The following PREX1 variants were observed in gnomAD, a reference collection of about 807,000 sequenced individuals.
The protein encoded by PREX1 is phosphatidylinositol-3,4,5-trisphosphate dependent Rac exchange factor 1, also known as phosphatidylinositol 3,4,5-trisphosphate-dependent Rac exchanger 1 protein.
A neutral mutation model predicts 198.3 loss-of-function variants in PREX1; 41 were observed. The ratio of observed to expected loss-of-function variants is 0.21; its 90% CI spans 0.16 to 0.27. The LOEUF is 0.27. Ranked by LOEUF, PREX1 falls within the 10% of genes least tolerant of loss-of-function variation. The pLI is 1.00. For synonymous variants in PREX1, 843 were observed against 887.2 expected (o/e 0.95, Z 0.89); for missense variants, 1,620 against 2,200.7 (o/e 0.74, Z 5.28).
Position 48,659,899 on chromosome 20 carries a change from C to T in PREX1, c.1881+20G>A, listed in dbSNP as rs369072003. On this transcript the variant is annotated intron_variant, in intron 16 of 39. Coordinates refer to ENST00000371941, the MANE Select transcript of PREX1 (RefSeq NM_020820.4). ...GGGGGCTCTGGCAAGGAAGGGACAGCTGCTCAGCTGTGCTCCTACCAGCAG... is the reference window on the plus strand; with the variant it reads ...GGGGGCTCTGGCAAGGAAGGGACAGTTGCTCAGCTGTGCTCCTACCAGCAG... 8.1e-6 allele frequency: 13 copies of T among 1,613,726 alleles called. No homozygotes were observed. Among genetic ancestry groups the T allele is most frequent in the Non-Finnish European group, 1.1e-5 (13 of 1,180,008 alleles).
At chr20:48,803,724 C>A (rs184788875) in intron 1 of PREX1, among the ~76,000 whole-genome samples, 13 of 144,892 alleles carry the variant, frequency 9.0e-5, no homozygotes, top group Non-Finnish European at 1.5e-4. Context: ...GGCACCTCAC[C>A]CCATCTACAC....
intron 22 of PREX1, 124 bp from the exon 23 acceptor site, chr20:48,651,179 A>G (rs2089493484): frequency 1.5e-6 from 2 of 1,330,644 alleles, no homozygotes; most frequent in Non-Finnish European, 2.0e-6. Context: ...TTGCTGGCCC[A>G]TATTGCACGG....
chr20:48,865,869 T>C, the PREX1 span, among the ~76,000 whole-genome samples: 5 of 152,244 alleles, frequency 3.3e-5, no homozygotes, highest in African/African-American at 9.6e-5. Context: ...AATGGGCTAT[T>C]ACCTCTGGGC....
In PREX1 at chr20:48,780,092, T is replaced by C. The variant is rs111423392; in HGVS notation, c.220-32212A>G. Among the ~76,000 whole-genome samples, 132 of 152,306 alleles carry C rather than the reference T, an allele frequency of 8.7e-4. 3 individuals carry two copies. The South Asian group carries it at 0.011, about 13-fold the overall frequency. ...TGGGTTTTTCAAATATATGTGCAGATAGAAAGATACAGAAGTAAATATAGA... is the reference window on the plus strand; with the variant it reads ...TGGGTTTTTCAAATATATGTGCAGACAGAAAGATACAGAAGTAAATATAGA... On this transcript the variant is annotated intron_variant, in intron 1 of 39. Transcript: ENST00000371941.
Position 48,681,230 on chromosome 20 carries a change from C to A in PREX1, c.1435+5G>T, listed in dbSNP as rs1486180535. 6.2e-7 allele frequency: 1 copy of A among 1,613,634 alleles called. No homozygotes were observed. Among genetic ancestry groups the A allele is most frequent in the Admixed American group, 1.7e-5 (1 of 60,030 alleles). Reference sequence around the variant, plus strand: ...TGGCCCAGCTGGGCCCAGCCCTCCACTCACCATGGTGGATGATGCCATTCT... The same window carrying A: ...TGGCCCAGCTGGGCCCAGCCCTCCAATCACCATGGTGGATGATGCCATTCT... On this transcript the variant is annotated splice_donor_5th_base_variant and intron_variant, in intron 11 of 39. Coordinates refer to ENST00000371941, the MANE Select transcript of PREX1 (RefSeq NM_020820.4).
chr20:48,785,352 T>A (rs990663931), intron 1 of PREX1, among the ~76,000 whole-genome samples: 1 of 152,250 alleles, frequency 6.6e-6, no homozygotes, highest in Non-Finnish European at 1.5e-5. Context: ...ACACCTGTGA[T>A]GGGTGGCAGC....
chr20:48,766,607 T>C (rs1308495422), intron 1 of PREX1, among the ~76,000 whole-genome samples: 1 of 152,138 alleles, frequency 6.6e-6, no homozygotes, highest in Non-Finnish European at 1.5e-5. Flanking sequence ...AAGTCTCACA[T>C]TCCCTGCCCT....
intron 27 of PREX1, among the ~76,000 whole-genome samples, chr20:48,643,730 G>C (rs1311682146): frequency 6.6e-6 from 1 of 152,104 alleles, no homozygotes; most frequent in Non-Finnish European, 1.5e-5. Flanking sequence ...CTGGAGTGCA[G>C]TGGCATGATC....
intron 37 of PREX1, 47 bp downstream of exon 37, chr20:48,629,402 C>A (rs2089296505): frequency 6.3e-7 from 1 of 1,594,460 alleles, no homozygotes; most frequent in South Asian, 1.1e-5. Context: ...TGACCAGAAG[C>A]TAGGCCAGCC....
At chr20:48,636,364 G>A in intron 32 of PREX1, 99 bp downstream of exon 32, 2 of 1,249,740 alleles carry the variant, frequency 1.6e-6, no homozygotes, top group Non-Finnish European at 2.2e-6. Context: ...GACGAGGCCA[G>A]GGGGAGCCTG....
At chr20:48,669,709 G>A (rs1033888203) in intron 14 of PREX1, among the ~76,000 whole-genome samples, 4 of 152,180 alleles carry the variant, frequency 2.6e-5, no homozygotes, top group East Asian at 1.9e-4. Flanking sequence ...CCAAGTTCTC[G>A]TGAGGATTGA....
rs946367642 is a variant in PREX1 at position 48,625,686 on chromosome 20, A to C, written c.*199T>G. On this transcript the variant is annotated 3_prime_UTR_variant, in exon 40 of 40. Transcript: ENST00000371941. ...AGGCGTGTGAAGAATGGGCCGGCCCAGGGCCAATCAGCCAGCTCGTCATCA... is the reference window on the plus strand; with the variant it reads ...AGGCGTGTGAAGAATGGGCCGGCCCCGGGCCAATCAGCCAGCTCGTCATCA... The C allele has an allele frequency of 1.6e-6, 1 of 635,424 alleles. No individual in the cohort carries two copies. Among genetic ancestry groups the C allele is most frequent in the Non-Finnish European group, 2.6e-6 (1 of 385,592 alleles). The allele number at this position is 635,424 out of a possible 1,614,324, so 39.4% of individuals were successfully genotyped here.
intron 32 of PREX1, 50 bp from the exon 33 acceptor site, chr20:48,634,825 A>G: frequency 6.5e-7 from 1 of 1,528,992 alleles, no homozygotes; most frequent in Non-Finnish European, 9.1e-7. Flanking sequence ...ACCCTGCCCC[A>G]GGGTTTCCTA....
chr20:48,838,587 G>GA, the PREX1 span, among the ~76,000 whole-genome samples: 3 of 151,924 alleles, frequency 2.0e-5, no homozygotes, highest in East Asian at 1.9e-4. Context: ...TAATAGAATA[G>GA]AAAAAAATGC....
chr20:48,780,484 C>CA (rs938038278), intron 1 of PREX1, among the ~76,000 whole-genome samples: 2 of 149,916 alleles, frequency 1.3e-5, no homozygotes, highest in Non-Finnish European at 3.0e-5. Context: ...TTTTAATGTT[C>CA]AAAAAAAAGA....
At chr20:48,689,341 C>T (rs2123040961) in intron 9 of PREX1, among the ~76,000 whole-genome samples, 1 of 152,238 alleles carries the variant, frequency 6.6e-6, no homozygotes, top group African/African-American at 2.4e-5. Context: ...TGCCAGTACG[C>T]CACATGAGAA....
At chr20:48,810,823 G>A (rs1373741821) in intron 1 of PREX1, among the ~76,000 whole-genome samples, 2 of 151,980 alleles carry the variant, frequency 1.3e-5, no homozygotes, top group Non-Finnish European at 2.9e-5. Flanking sequence ...GGAGGCAGGG[G>A]CTGCAGTGAG....
intron 1 of PREX1, among the ~76,000 whole-genome samples, chr20:48,753,182 C>T (rs1238708653): frequency 1.3e-5 from 2 of 152,166 alleles, no homozygotes. Context: ...TGATGTCTGC[C>T]ATGGATGTGG....
the PREX1 span, among the ~76,000 whole-genome samples, chr20:48,868,890 T>C: frequency 6.6e-6 from 1 of 152,184 alleles, no homozygotes; most frequent in Admixed American, 6.5e-5. Flanking sequence ...TTCTTTTTTT[T>C]CTTTGAGACA....
Sources: allele counts gnomAD v4.1 joint callset (sites outside exome capture counted in the v4.1 genomes callset), GRCh38; gene constraint gnomAD v4.1.1; transcripts MANE v1.5; gene names NCBI Gene and HGNC (gene_info 2026-07-23, HGNC 2026-07-21).